MORC1: variants seen among roughly 807,000 people sequenced by gnomAD.
The protein encoded by MORC1 is MORC family CW-type zinc finger 1.
MORC1 carries 59 observed loss-of-function variants against 134.9 expected under a neutral mutation model. The ratio of observed to expected loss-of-function variants is 0.44; its 90% CI spans 0.35 to 0.54. The LOEUF is 0.54. MORC1 is among the 20% of genes least tolerant of loss of function. The pLI is 0.00. For synonymous variants in MORC1, 395 were observed against 391.7 expected (o/e 1.01, Z -0.10); for missense variants, 947 against 1,134.5 (o/e 0.83, Z 2.37).
At chr3:109,111,058 A>AAAAC (rs1421828246) in intron 2 of MORC1, among the ~76,000 whole-genome samples, 3 of 151,024 alleles carry the variant, frequency 2.0e-5, no homozygotes, top group Middle Eastern at 3.2e-3. Context: ...TTTAAAAAAA[A>AAAAC]AAAAAAAAAA....
At chr3:109,026,304 C>A (rs949327178) in intron 17 of MORC1, among the ~76,000 whole-genome samples, 9 of 152,220 alleles carry the variant, frequency 5.9e-5, no homozygotes, top group Non-Finnish European at 1.3e-4. Flanking sequence ...TGCTAAATTT[C>A]TTTGTTTACA....
intron 24 of MORC1, among the ~76,000 whole-genome samples, chr3:108,971,827 A>AAGGAAGGG (rs1947389331): frequency 6.9e-6 from 1 of 145,132 alleles, no homozygotes; most frequent in African/African-American, 2.5e-5. Context: ...GGAAGGAAGG[A>AAGGAAGGG]AGGGAGGGAG....
chr3:109,093,625 C>T (rs1393815672), intron 7 of MORC1, 84 bp from the exon 8 acceptor site: 4 of 973,066 alleles, frequency 4.1e-6, no homozygotes, highest in African/African-American at 3.3e-5. Flanking sequence ...ATCTATGGAA[C>T]TGAGTCTGCT....
In MORC1 at chr3:109,093,558, T is replaced by C. The variant is rs769311759; in HGVS notation, c.584-17A>G. The C allele has an allele frequency of 6.6e-7, 1 of 1,525,844 alleles. No individual in the cohort carries two copies. Among genetic ancestry groups the C allele is most frequent in the Non-Finnish European group, 9.1e-7 (1 of 1,100,482 alleles). 94.5% of individuals were successfully genotyped at this position (1,525,844 alleles called of 1,614,324 possible). A position where few individuals can be genotyped will look rare whatever the true frequency, so the allele number is the denominator to read the frequency against. Reference sequence around the variant, plus strand: ...GCAAAGTACCTGGTAGAAAAATAGATGTTTGACTTGTCAGTATTTTAAATA... The same window carrying C: ...GCAAAGTACCTGGTAGAAAAATAGACGTTTGACTTGTCAGTATTTTAAATA... On this transcript the variant is annotated splice_polypyrimidine_tract_variant and intron_variant, in intron 7 of 27. Transcript: ENST00000232603.
At chr3:109,046,239 C>CTG (rs1949692476) in intron 14 of MORC1, among the ~76,000 whole-genome samples, 2 of 152,190 alleles carry the variant, frequency 1.3e-5, no homozygotes, top group East Asian at 3.8e-4. Flanking sequence ...CCACATGATG[C>CTG]TGTGCGTGGA....
intron 21 of MORC1, among the ~76,000 whole-genome samples, chr3:108,988,674 T>C (rs980480835): frequency 6.6e-6 from 1 of 152,186 alleles, no homozygotes; most frequent in Non-Finnish European, 1.5e-5. Context: ...CACTTTGTTA[T>C]AATCCATGAT....
chr3:108,960,002 A>T (rs1947038168), intron 27 of MORC1, among the ~76,000 whole-genome samples: 1 of 152,184 alleles, frequency 6.6e-6, no homozygotes, highest in African/African-American at 2.4e-5. Context: ...ACAGAGAAGG[A>T]TGAGATTAGA....
chr3:108,996,308 A>ACACACACACACACACACACACAC (rs1553745343), intron 21 of MORC1, among the ~76,000 whole-genome samples: 9 of 151,320 alleles, frequency 5.9e-5, no homozygotes, highest in South Asian at 2.1e-4. Flanking sequence ...ACACACACAC[A>ACACACACACACACACACACACAC]ACTAGAATTT....
intron 14 of MORC1, 61 bp from the exon 15 acceptor site, chr3:109,035,529 G>C (rs1382859468): frequency 3.6e-6 from 4 of 1,104,162 alleles, no homozygotes; most frequent in Non-Finnish European, 5.1e-6. Context: ...CAAAACAATT[G>C]GCAAAGGGAA....
At position 108,971,366 on chromosome 3, in the gene MORC1, T is replaced by A; in HGVS notation, c.2514A>T (p.Leu838=). 6.2e-7 allele frequency: 1 copy of A among 1,613,640 alleles called. No individual in the cohort carries two copies. The highest frequency in any genetic ancestry group is 8.5e-7 in the Non-Finnish European group (1 of 1,179,706). Residue 838 remains leucine, a synonymous_variant, in exon 25 of 28, where the codon CTA becomes CTT. Transcript: ENST00000232603. ...ATGCAGGTTCTTCCAATTCTGATGG[T>A]AGCTGATGCTCAGGAAAAAAATACA... is the stretch of plus-strand genomic sequence containing the variant. ...ILLYFFPEHQ[L]PSELEEPALS...
At chr3:109,033,790 C>G in intron 15 of MORC1, among the ~76,000 whole-genome samples, 1 of 152,202 alleles carries the variant, frequency 6.6e-6, no homozygotes, top group East Asian at 1.9e-4. Context: ...CTGCTAGACA[C>G]TATCCTTAGC....
intron 8 of MORC1, among the ~76,000 whole-genome samples, chr3:109,073,049 T>C (rs191448764): frequency 1.3e-5 from 2 of 151,950 alleles, no homozygotes; most frequent in South Asian, 2.1e-4. Context: ...TCATAGTCTG[T>C]GGATATAATA....
intron 14 of MORC1, among the ~76,000 whole-genome samples, chr3:109,036,154 T>C (rs938473729): frequency 1.3e-5 from 2 of 152,072 alleles, no homozygotes; most frequent in African/African-American, 2.4e-5. Flanking sequence ...TAAAAGCATA[T>C]GAATAAAGAA....
intron 27 of MORC1, among the ~76,000 whole-genome samples, chr3:108,961,844 T>A (rs1947088805): frequency 6.6e-6 from 1 of 152,240 alleles, no homozygotes; most frequent in South Asian, 2.1e-4. Context: ...TTTCTTAGCC[T>A]AACGTGGATT....
chr3:109,017,751 C>G (rs1396970368), intron 17 of MORC1, among the ~76,000 whole-genome samples: 1 of 152,100 alleles, frequency 6.6e-6, no homozygotes, highest in East Asian at 1.9e-4. Flanking sequence ...ATGATAGCAT[C>G]TTTTTTTATC....
rs572035781 is a variant in MORC1 at position 109,052,899 on chromosome 3, TA to T, written c.1330+1828del. Among the ~76,000 whole-genome samples, 20 of 151,968 alleles carry T rather than the reference TA, an allele frequency of 1.3e-4. No individual in the cohort carries two copies. In the East Asian group the frequency reaches 3.5e-3, roughly 26 times the overall value. ...ACAAAGGTCTAATACCCAGAATCTA[TA>T]AGGAACTTAAAGAAATCAACAAGCA... On this transcript the variant is annotated intron_variant, in intron 14 of 27. Coordinates refer to ENST00000232603, the MANE Select transcript of MORC1 (RefSeq NM_014429.4).
At chr3:109,067,036 T>C (rs1220939860) in intron 9 of MORC1, among the ~76,000 whole-genome samples, 1 of 152,206 alleles carries the variant, frequency 6.6e-6, no homozygotes, top group Non-Finnish European at 1.5e-5. Context: ...TGTTAGCATA[T>C]GGAAAGCATC....
Position 109,080,295 on chromosome 3 carries a change from A to G in MORC1, c.690-10538T>C, listed in dbSNP as rs999075933. Among the ~76,000 whole-genome samples the G allele has an allele frequency of 9.6e-4, 146 of 152,158 alleles. 1 individual carries two copies. Among genetic ancestry groups the G allele is most frequent in the Admixed American group, 7.9e-4 (12 of 15,268 alleles). On this transcript the variant is annotated intron_variant, in intron 8 of 27. Transcript: ENST00000232603. Reference sequence around the variant, plus strand: ...TGGATGGCAGCAGGTAAAGAGAGAGAGAGTTTATGCAGGGGAATTCCTCTT... The same window carrying G: ...TGGATGGCAGCAGGTAAAGAGAGAGGGAGTTTATGCAGGGGAATTCCTCTT...
chr3:109,025,386 T>C (rs28460035), intron 17 of MORC1, among the ~76,000 whole-genome samples: 1,466 of 63,350 alleles, frequency 0.023, 32 homozygotes, highest in Middle Eastern at 0.053. Flanking sequence ...TTTCTTTTTT[T>C]TTTTTTTTTT....
Sources: allele counts gnomAD v4.1 joint callset (sites outside exome capture counted in the v4.1 genomes callset), GRCh38; gene constraint gnomAD v4.1.1; transcripts MANE v1.5; gene names NCBI Gene and HGNC (gene_info 2026-07-23, HGNC 2026-07-21).